PREPL: variants seen among roughly 807,000 people sequenced by gnomAD.
PREPL encodes prolyl endopeptidase like.
PREPL carries 77 observed loss-of-function variants against 70.6 expected under a neutral mutation model. The observed-to-expected ratio is 1.09, with a 90% CI of 0.91 to 1.32. The LOEUF is 1.32. Among genes scored for constraint, PREPL ranks in the 40% most tolerant of loss-of-function variants. The probability of loss-of-function intolerance (pLI) is 0.00; values close to 1 mark genes in which losing one functional copy is unlikely to be tolerated. For missense variants in PREPL, 1,002 were observed against 778.2 expected, an observed-to-expected ratio of 1.29 and a Z score of -3.42; for synonymous variants, 315 against 264.8, an observed-to-expected ratio of 1.19 and a Z score of -1.84.
chr2:44,330,650 A>C (rs537095546), intron 8 of PREPL, among the ~76,000 whole-genome samples: 3 of 152,180 alleles, frequency 2.0e-5, no homozygotes, highest in African/African-American at 7.2e-5. Context: ...AGAAAAATAA[A>C]TGAATTAAAG....
intron 7 of PREPL, among the ~76,000 whole-genome samples, chr2:44,337,812 T>C (rs1392667522): frequency 6.6e-6 from 1 of 152,178 alleles, no homozygotes; most frequent in Non-Finnish European, 1.5e-5. Flanking sequence ...ACTATTAGCC[T>C]TCTGTGCTGC....
intron 1 of PREPL, chr2:44,359,757 G>C (rs1677464863): frequency 7.3e-7 from 1 of 1,363,684 alleles, no homozygotes; most frequent in Admixed American, 1.7e-5. Context: ...GGGGCTGCCA[G>C]CACACGAATG....
chr2:44,320,295 C>A lies in PREPL; in HGVS notation c.*1061G>T. The stretch of plus-strand genomic sequence containing the variant: ...ACTCCTCAACAGGGGCTGGTTTTGC[C>A]ATTTGAGGAATGACAGCCACTATGT... On this transcript the variant is annotated 3_prime_UTR_variant, in exon 14 of 14. Transcript: ENST00000409411. The A allele has an allele frequency of 6.2e-7, 1 of 1,614,090 alleles. No homozygotes were observed. The highest frequency in any genetic ancestry group is 1.1e-5 in the South Asian group (1 of 91,082).
intron 1 of PREPL, among the ~76,000 whole-genome samples, chr2:44,358,126 T>C (rs541928715): frequency 1.3e-5 from 2 of 152,116 alleles, no homozygotes; most frequent in Non-Finnish European, 2.9e-5. Flanking sequence ...GAAAAGATAG[T>C]TTCTAAAATG....
intron 10 of PREPL, among the ~76,000 whole-genome samples, chr2:44,325,531 T>C (rs147367390): frequency 6.6e-6 from 1 of 152,352 alleles, no homozygotes; most frequent in East Asian, 1.9e-4. Flanking sequence ...TATACATGTA[T>C]AAAAGGTTGT....
Position 44,320,060 on chromosome 2 carries a change from G to C in PREPL, c.*1296C>G. On this transcript the variant is annotated 3_prime_UTR_variant, in exon 14 of 14. Transcript: ENST00000409411. ...TATAAATTGTTCTTACCTACTTATT[G>C]ATGCTTACAATTTGGCAATTATAAG... The C allele has an allele frequency of 1.5e-6, 1 of 666,622 alleles. No individual in the cohort carries two copies. The highest frequency in any genetic ancestry group is 2.6e-6 in the Non-Finnish European group (1 of 392,042). 41.3% of individuals were successfully genotyped at this position (666,622 alleles called of 1,614,324 possible).
intron 5 of PREPL, among the ~76,000 whole-genome samples, chr2:44,340,790 TGGTGGCA>T (rs1314177232): frequency 1.3e-5 from 2 of 152,000 alleles, no homozygotes. Flanking sequence ...TAGCCAGGCA[TGGTGGCA>T]GGTGCCTGTA....
At chr2:44,343,655 C>G in intron 4 of PREPL, 90 bp downstream of exon 4, 2 of 1,172,380 alleles carry the variant, frequency 1.7e-6, no homozygotes, top group East Asian at 2.3e-5. Flanking sequence ...AGGCATTCAC[C>G]TTCTCCCTCC....
At chr2:44,351,528 AC>A (rs1344423365) in intron 1 of PREPL, among the ~76,000 whole-genome samples, 21 of 146,868 alleles carry the variant, frequency 1.4e-4, no homozygotes, top group African/African-American at 2.8e-4. Context: ...AAAAAAAAAA[AC>A]AAAACCCTGT....
intron 1 of PREPL, among the ~76,000 whole-genome samples, chr2:44,351,514 T>TAAAAAAAAAA (rs56070602): frequency 6.9e-6 from 1 of 144,302 alleles, no homozygotes. Flanking sequence ...CTCGCCCTAT[T>TAAAAAAAAAA]AAAAAAAAAA....
intron 1 of PREPL, chr2:44,360,499 T>C (rs1294767737): frequency 6.6e-6 from 1 of 152,166 alleles, no homozygotes; most frequent in Non-Finnish European, 1.5e-5. Flanking sequence ...AGCGCTTTAA[T>C]TAAAAACAAC....
At chr2:44,349,286 G>A (rs1676152232) in intron 1 of PREPL, among the ~76,000 whole-genome samples, 1 of 152,120 alleles carries the variant, frequency 6.6e-6, no homozygotes, top group Non-Finnish European at 1.5e-5. Flanking sequence ...AGAGCAGGGA[G>A]AAAATACATG....
intron 4 of PREPL, 114 bp downstream of exon 4, chr2:44,343,631 G>A (rs1360612570): frequency 1.1e-6 from 1 of 873,820 alleles, no homozygotes; most frequent in Non-Finnish European, 1.8e-6. Flanking sequence ...ATAGTCCATA[G>A]GGATACATGA....
chr2:44,319,639 A>G lies in PREPL; in HGVS notation c.*1717T>C, dbSNP rs1347909069. Reference sequence around the variant, plus strand: ...ACTATTATGGTAAAAAAAAGTCTACAATTTCTAACTTTCACCTTAGGCAGC... The same window carrying G: ...ACTATTATGGTAAAAAAAAGTCTACGATTTCTAACTTTCACCTTAGGCAGC... On this transcript the variant is annotated 3_prime_UTR_variant, in exon 14 of 14. Coordinates refer to ENST00000409411, the MANE Select transcript of PREPL (RefSeq NM_001171613.2). The G allele has an allele frequency of 6.5e-6, 1 of 153,116 alleles. No individual in the cohort carries two copies. Among genetic ancestry groups the G allele is most frequent in the Non-Finnish European group, 1.5e-5 (1 of 68,742 alleles). The allele number at this position is 153,116 out of a possible 1,614,324, so 9.5% of individuals were successfully genotyped here. A position where few individuals can be genotyped will look rare whatever the true frequency, so the allele number is the denominator to read the frequency against.
chr2:44,356,115 G>T (rs1333172649), intron 1 of PREPL: 1 of 152,116 alleles, frequency 6.6e-6, no homozygotes, highest in Non-Finnish European at 1.5e-5. Context: ...TTGCCAATAA[G>T]AACTGCAGAA....
intron 11 of PREPL, 58 bp from the exon 12 acceptor site, chr2:44,322,912 A>G (rs1673122331): frequency 6.4e-7 from 1 of 1,561,594 alleles, no homozygotes; most frequent in Non-Finnish European, 8.6e-7. Context: ...CCTTGCCACT[A>G]TAGAGACTAT....
chr2:44,350,733 G>C (rs562206284), intron 1 of PREPL, among the ~76,000 whole-genome samples: 1 of 152,084 alleles, frequency 6.6e-6, no homozygotes, highest in African/African-American at 2.4e-5. Flanking sequence ...TTATGCCACT[G>C]ACTGCTCCTG....
At chr2:44,337,607 T>C (rs1260401818) in intron 7 of PREPL, among the ~76,000 whole-genome samples, 1 of 152,172 alleles carries the variant, frequency 6.6e-6, no homozygotes, top group Non-Finnish European at 1.5e-5. Flanking sequence ...CAGTAACTCT[T>C]TTCATATCAA....
Position 44,332,428 on chromosome 2 carries a change from G to T in PREPL, c.1086+31C>A, listed in dbSNP as rs369718337. On this transcript the variant is annotated intron_variant, in intron 8 of 13. Transcript: ENST00000409411. The stretch of plus-strand genomic sequence containing the variant: ...GGCAAACGGTATGCTTTCAGTAAAT[G>T]GGAGCTGAAAGTGAAGATTATAAGA... 9.7e-6 allele frequency: 15 copies of T among 1,551,362 alleles called. No homozygotes were observed. The African/African-American group carries it at 1.8e-4, about 18-fold the overall frequency.
Sources: gnomAD v4.1 joint callset for allele counts (sites outside exome capture counted in the v4.1 genomes callset) on GRCh38, gnomAD v4.1.1 for gene constraint, MANE v1.5 for transcripts, NCBI Gene and HGNC (gene_info 2026-07-23, HGNC 2026-07-21) for gene names.